The following LHX2 variants were observed in gnomAD, a reference collection of about 807,000 sequenced individuals.
LHX2 encodes LIM homeobox 2, also known as LIM/homeobox protein Lhx2.
LHX2 carries 6 observed loss-of-function variants against 33.0 expected under a neutral mutation model. The observed-to-expected ratio is 0.18, with a 90% CI of 0.10 to 0.36. The LOEUF is 0.36. Ranked by LOEUF, LHX2 falls within the 10% of genes least tolerant of loss-of-function variation. LHX2 has a pLI of 1.00. For synonymous variants in LHX2, 292 were observed against 253.1 expected, an observed-to-expected ratio of 1.15 and a Z score of -1.46; for missense variants, 442 against 586.2, an observed-to-expected ratio of 0.75 and a Z score of 2.54.
rs1859146388 is a variant in LHX2 at position 124,014,269 on chromosome 9, T to A, written c.323+106T>A. On this transcript the variant is annotated intron_variant, in intron 2 of 4. Coordinates refer to ENST00000373615, the MANE Select transcript of LHX2 (RefSeq NM_004789.4). This position sits in a 1 kb window ranked among gnomAD's most constrained non-coding sequence, Gnocchi z 4.8. ...CGTTTAGTCCCAGGAGAGGGTTCAC[T>A]ACTCAGGACTCCCCCGCTCCCCCCC... 4.5e-6 allele frequency: 3 copies of A among 667,286 alleles called. No homozygotes were observed. In the African/African-American group the frequency reaches 5.6e-5, roughly 13 times the overall value. 41.3% of individuals were successfully genotyped at this position (667,286 alleles called of 1,614,324 possible). A position where few individuals can be genotyped will look rare whatever the true frequency, so the allele number is the denominator to read the frequency against.
chr9:124,019,855 C>T (rs1859262309), intron 3 of LHX2, among the ~76,000 whole-genome samples: 1 of 152,186 alleles, frequency 6.6e-6, no homozygotes, highest in South Asian at 2.1e-4. Context: ...TCGGGAGGTG[C>T]CATGAGGAGG....
chr9:124,014,429 A>C lies in LHX2; in HGVS notation c.323+266A>C, dbSNP rs1305955109. 1.3e-5 allele frequency among the ~76,000 whole-genome samples: 2 copies of C among 152,136 alleles called. No individual in the cohort carries two copies. Among genetic ancestry groups the C allele is most frequent in the East Asian group, 3.8e-4 (2 of 5,196 alleles). On this transcript the variant is annotated intron_variant, in intron 2 of 4. Coordinates refer to ENST00000373615, the MANE Select transcript of LHX2 (RefSeq NM_004789.4). This position sits in a 1 kb window ranked among gnomAD's most constrained non-coding sequence, Gnocchi z 4.8. The stretch of plus-strand genomic sequence containing the variant: ...CCCTCCTGCTCGGAGCTTAGACCAC[A>C]AAAAAGCTTGAGTTGGGATCCTTGC...
Position 124,012,354 on chromosome 9 carries a change from G to C in LHX2, c.6G>C (p.Leu2=). The change falls in exon 1 of 5, where the codon CTG becomes CTC. Residue 2 remains leucine, a synonymous_variant. Transcript: ENST00000373615. The surrounding 1 kb of genome is among the most constrained non-coding windows in gnomAD (Gnocchi z 4.3). The stretch of plus-strand genomic sequence containing the variant: ...GCCCCGCCGGTCCCGCCGCGATGCT[G>C]TTCCACAGTCTGTCGGGCCCCGAGG... M[L]FHSLSGPEVH... 2 of 1,517,614 alleles carry C rather than the reference G, an allele frequency of 1.3e-6. No homozygotes were observed. The highest frequency in any genetic ancestry group is 8.8e-7 in the Non-Finnish European group (1 of 1,137,686). The allele number at this position is 1,517,614 out of a possible 1,614,324, so 94.0% of individuals were successfully genotyped here. A position where few individuals can be genotyped will look rare whatever the true frequency, so the allele number is the denominator to read the frequency against.
At position 124,032,677 on chromosome 9, in the gene LHX2, C is replaced by A; in HGVS notation, c.1191C>A (p.Pro397=). The change falls in exon 5 of 5, where the codon CCC becomes CCA. Residue 397 remains proline (P), a synonymous_variant. Transcript: ENST00000373615. This position sits in a 1 kb window ranked among gnomAD's most constrained non-coding sequence, Gnocchi z 4.1. ...TGGAGGGCCATGAGCCTCACAGCCC[C>A]TCACAAACGACTCTTACCAACCTTT... ...GNLEGHEPHS[P]SQTTLTNLF 6.2e-7 allele frequency: 1 copy of A among 1,605,890 alleles called. No homozygotes were observed. The highest frequency in any genetic ancestry group is 8.5e-7 in the Non-Finnish European group (1 of 1,173,588).
chr9:124,020,090 C>T (rs1324998979), intron 3 of LHX2, among the ~76,000 whole-genome samples: 1 of 152,184 alleles, frequency 6.6e-6, no homozygotes, highest in Non-Finnish European at 1.5e-5. Flanking sequence ...CTCAACAGAT[C>T]AAGATCAATC....
At chr9:124,028,979 G>A (rs539369100) in intron 4 of LHX2, among the ~76,000 whole-genome samples, 3 of 152,202 alleles carry the variant, frequency 2.0e-5, no homozygotes, top group Admixed American at 6.5e-5. Flanking sequence ...GCATGGTGGC[G>A]GGTGCCTGTA....
intron 3 of LHX2, among the ~76,000 whole-genome samples, chr9:124,019,136 A>C (rs1859248323): frequency 6.6e-6 from 1 of 152,088 alleles, no homozygotes; most frequent in Non-Finnish European, 1.5e-5. Flanking sequence ...GATCCCCTTT[A>C]AATTGCCGGA....
At chr9:124,020,303 C>T (rs969854994) in intron 3 of LHX2, among the ~76,000 whole-genome samples, 3 of 152,250 alleles carry the variant, frequency 2.0e-5, no homozygotes. Context: ...TCCACTCTGC[C>T]GCTCTCTGTG....
intron 3 of LHX2, among the ~76,000 whole-genome samples, chr9:124,019,118 C>T (rs1859248004): frequency 6.6e-6 from 1 of 152,252 alleles, no homozygotes; most frequent in African/African-American, 2.4e-5. Context: ...GGTTCAGAGG[C>T]ATCCTCTGAT....
At chr9:124,029,048 G>A (rs576470287) in intron 4 of LHX2, among the ~76,000 whole-genome samples, 32 of 152,246 alleles carry the variant, frequency 2.1e-4, no homozygotes, top group Admixed American at 3.9e-4. Flanking sequence ...GGAGGCAGAG[G>A]TTGAAATGAG....
chr9:124,014,443 TG>T lies in LHX2; in HGVS notation c.323+283del, dbSNP rs1490987052. ...GCTTAGACCACAAAAAAGCTTGAGTTGGGATCCTTGCTCCCCTCTCTCTTTG... is the reference window on the plus strand; with the variant it reads ...GCTTAGACCACAAAAAAGCTTGAGTTGGATCCTTGCTCCCCTCTCTCTTTG... On this transcript the variant is annotated intron_variant, in intron 2 of 4. Transcript: ENST00000373615. The surrounding 1 kb of genome is among the most constrained non-coding windows in gnomAD (Gnocchi z 4.8). Among the ~76,000 whole-genome samples, 4 of 152,138 alleles carry T rather than the reference TG, an allele frequency of 2.6e-5. No homozygotes were observed. The highest frequency in any genetic ancestry group is 9.7e-5 in the African/African-American group (4 of 41,406).
intron 1 of LHX2, 143 bp from the exon 2 acceptor site, chr9:124,013,818 A>G: frequency 1.4e-6 from 1 of 726,940 alleles, no homozygotes; most frequent in East Asian, 2.7e-5. Context: ...GGGTGGGGGG[A>G]AGCGCGCCGC....
At position 124,032,428 on chromosome 9, in the gene LHX2, C is replaced by A; in HGVS notation, c.942C>A (p.Phe314Leu). 1 of 1,590,294 alleles carries A rather than the reference C, an allele frequency of 6.3e-7. No homozygotes were observed. The highest frequency in any genetic ancestry group is 1.1e-5 in the South Asian group (1 of 90,054). ...GLTKRVLQVW[F>L]QNARAKFRRN... ...CCTGTCGTCCCCCGCAGGTCTGGTTCCAGAACGCCCGAGCCAAGTTCAGGC... is the reference window on the plus strand; with the variant it reads ...CCTGTCGTCCCCCGCAGGTCTGGTTACAGAACGCCCGAGCCAAGTTCAGGC... Residue 314 changes from phenylalanine (F) to leucine (L), a missense_variant, in exon 5 of 5, where the codon TTC becomes TTA. Transcript: ENST00000373615. The surrounding 1 kb of genome is among the most constrained non-coding windows in gnomAD (Gnocchi z 4.1).
At chr9:124,023,995 C>T (rs1435169896) in intron 4 of LHX2, among the ~76,000 whole-genome samples, 1 of 152,248 alleles carries the variant, frequency 6.6e-6, no homozygotes, top group South Asian at 2.1e-4. Context: ...ATGATCTCCA[C>T]TTGCCCCAAA....
chr9:124,021,000 T>G, intron 3 of LHX2, 99 bp from the exon 4 acceptor site: 2 of 1,035,622 alleles, frequency 1.9e-6, no homozygotes, highest in South Asian at 1.4e-5. Context: ...TGCAGCAGGG[T>G]TAAGGATTGA....
At chr9:124,029,149 A>T (rs1828674795) in intron 4 of LHX2, among the ~76,000 whole-genome samples, 1 of 151,972 alleles carries the variant, frequency 6.6e-6, no homozygotes, top group South Asian at 2.1e-4. Context: ...TCAATAAATA[A>T]ATCTATAAAA....
At chr9:124,028,226 G>C (rs1195702680) in intron 4 of LHX2, among the ~76,000 whole-genome samples, 2 of 152,148 alleles carry the variant, frequency 1.3e-5, no homozygotes, top group African/African-American at 4.8e-5. Context: ...CCTGGGAAGG[G>C]GCAAGAAGCA....
intron 1 of LHX2, among the ~76,000 whole-genome samples, chr9:124,013,497 G>C (rs1165380266): frequency 6.6e-6 from 1 of 152,226 alleles, no homozygotes; most frequent in African/African-American, 2.4e-5. Flanking sequence ...ACTGGAGCTG[G>C]GGCCCAGGAA....
chr9:124,015,037 C>G lies in LHX2; in HGVS notation c.324-85C>G. The G allele has an allele frequency of 1.3e-6, 2 of 1,518,916 alleles. No homozygotes were observed. Among genetic ancestry groups the G allele is most frequent in the Non-Finnish European group, 1.8e-6 (2 of 1,121,336 alleles). 94.1% of individuals were successfully genotyped at this position (1,518,916 alleles called of 1,614,324 possible). A position where few individuals can be genotyped will look rare whatever the true frequency, so the allele number is the denominator to read the frequency against. On this transcript the variant is annotated intron_variant, in intron 2 of 4. Coordinates refer to ENST00000373615, the MANE Select transcript of LHX2 (RefSeq NM_004789.4). This position sits in a 1 kb window ranked among gnomAD's most constrained non-coding sequence, Gnocchi z 7.9. ...TTCGTCTTGAGGAGGGGATTGCCCC[C>G]CGCAGCAGCAGCGGCACCTGGAGGA...
Sources: gnomAD v4.1 joint callset for allele counts (sites outside exome capture counted in the v4.1 genomes callset) on GRCh38, gnomAD v4.1.1 for gene constraint, Gnocchi (gnomAD v3.1) non-coding constraint, MANE v1.5 for transcripts, NCBI Gene and HGNC (gene_info 2026-07-23, HGNC 2026-07-21) for gene names.